The following BEND4 variants were observed in gnomAD, a reference collection of about 807,000 sequenced individuals.
BEND4 encodes BEN domain-containing protein 4.
In BEND4, 27 loss-of-function variants were observed where a neutral mutation model predicts 54.7. The ratio of observed to expected loss-of-function variants is 0.49; its 90% confidence interval spans 0.36 to 0.68. BEND4 has a LOEUF of 0.68. Among genes scored for constraint, BEND4 ranks in the 30% least tolerant of loss-of-function variants. BEND4 has a pLI of 0.00. For synonymous variants in BEND4, 327 were observed against 299.5 expected (o/e 1.09, Z -0.95); for missense variants, 702 against 697.2 (o/e 1.01, Z -0.08).
At chr4:42,145,526 T>C (rs1721045607) in intron 2 of BEND4, among the ~76,000 whole-genome samples, 1 of 151,916 alleles carries the variant, frequency 6.6e-6, no homozygotes. Flanking sequence ...ACCCCGTCTC[T>C]ACTACAAATA....
At chr4:42,140,794 A>G (rs1720853924) in intron 3 of BEND4, among the ~76,000 whole-genome samples, 1 of 152,124 alleles carries the variant, frequency 6.6e-6, no homozygotes, top group African/African-American at 2.4e-5. Flanking sequence ...TGCACTCTGA[A>G]ACTCTTTCCC....
rs1320538387 is a variant in BEND4, at chr4:42,115,755, C to T, written c.*1763G>A. ...CCAAAGAGACTGGTCTCATGGCTGC[C>T]GTAAGAACATGGCATTTGCCCATAT... On this transcript the variant is annotated 3_prime_UTR_variant, in exon 6 of 6. Coordinates refer to ENST00000502486, the MANE Select transcript of BEND4 (RefSeq NM_207406.4). The T allele has an allele frequency of 7.9e-5, 12 of 152,144 alleles. No homozygotes were observed. Among genetic ancestry groups the T allele is most frequent in the Admixed American group, 7.9e-4 (12 of 15,266 alleles). 9.4% of individuals were successfully genotyped at this position (152,144 alleles called of 1,614,324 possible).
intron 3 of BEND4, among the ~76,000 whole-genome samples, chr4:42,142,865 C>A (rs1212935756): frequency 2.6e-5 from 4 of 151,966 alleles, no homozygotes; most frequent in African/African-American, 9.7e-5. Flanking sequence ...ATGCTAAAGA[C>A]GTTATGCTTG....
chr4:42,110,963 G>C lies in BEND4; in HGVS notation c.*6555C>G, dbSNP rs1719537215. The C allele has an allele frequency of 1.3e-5, 2 of 152,160 alleles. No individual in the cohort carries two copies. Among genetic ancestry groups the C allele is most frequent in the African/African-American group, 4.8e-5 (2 of 41,442 alleles). The allele number at this position is 152,160 out of a possible 1,614,324, so 9.4% of individuals were successfully genotyped here. A position where few individuals can be genotyped will look rare whatever the true frequency, so the allele number is the denominator to read the frequency against. ...TTAACAGAGACTTGACATTTATTGTGCAATTTTATCCCCAACAGAACACGT... is the reference window on the plus strand; with the variant it reads ...TTAACAGAGACTTGACATTTATTGTCCAATTTTATCCCCAACAGAACACGT... On this transcript the variant is annotated 3_prime_UTR_variant, in exon 6 of 6. Coordinates refer to ENST00000502486, the MANE Select transcript of BEND4 (RefSeq NM_207406.4).
chr4:42,143,231 G>GT (rs1382352708), intron 3 of BEND4, among the ~76,000 whole-genome samples, 197 bp downstream of exon 3: 2 of 152,160 alleles, frequency 1.3e-5, no homozygotes, highest in Admixed American at 6.5e-5. Flanking sequence ...TAAAATTTCT[G>GT]TTTGGCACTG....
intron 2 of BEND4, among the ~76,000 whole-genome samples, chr4:42,144,676 G>A (rs752753038): frequency 3.9e-5 from 6 of 152,188 alleles, no homozygotes; most frequent in Non-Finnish European, 7.3e-5. Flanking sequence ...TGTATCATTT[G>A]AAAATCAGTA....
At chr4:42,134,986 A>G (rs1720646364) in intron 3 of BEND4, among the ~76,000 whole-genome samples, 1 of 152,228 alleles carries the variant, frequency 6.6e-6, no homozygotes, top group Non-Finnish European at 1.5e-5. Flanking sequence ...TGTCACACTG[A>G]GGATGCTAGA....
At chr4:42,149,634 A>C (rs1721192019) in intron 2 of BEND4, among the ~76,000 whole-genome samples, 1 of 152,200 alleles carries the variant, frequency 6.6e-6, no homozygotes. Flanking sequence ...GTGATGTTAT[A>C]ATTTCCATCT....
In BEND4 at chr4:42,114,652, C is replaced by A. The variant is rs1242173194; in HGVS notation, c.*2866G>T. The A allele has an allele frequency of 2.0e-5, 3 of 152,216 alleles. No homozygotes were observed. In the South Asian group the frequency reaches 6.2e-4, roughly 32 times the overall value. 9.4% of individuals were successfully genotyped at this position (152,216 alleles called of 1,614,324 possible). A position where few individuals can be genotyped will look rare whatever the true frequency, so the allele number is the denominator to read the frequency against. On this transcript the variant is annotated 3_prime_UTR_variant, in exon 6 of 6. Coordinates refer to ENST00000502486, the MANE Select transcript of BEND4 (RefSeq NM_207406.4). ...ACCTTCAAGTCTCCAAGGATTTCAA[C>A]TGAAAGGCTCACAGAGCAATGACAG...
intron 3 of BEND4, among the ~76,000 whole-genome samples, chr4:42,138,167 A>T (rs1274671420): frequency 1.3e-5 from 2 of 152,228 alleles, no homozygotes; most frequent in Admixed American, 1.3e-4. Flanking sequence ...CCAATAGCCA[A>T]GACATGGAAA....
chr4:42,120,040 G>A lies in BEND4; in HGVS notation c.1387+14C>T. 6.2e-7 allele frequency: 1 copy of A among 1,613,948 alleles called. No individual in the cohort carries two copies. Among genetic ancestry groups the A allele is most frequent in the East Asian group, 2.2e-5 (1 of 44,888 alleles). On this transcript the variant is annotated intron_variant, in intron 5 of 5. Transcript: ENST00000502486. ...AGATCACAGATGGTGACACTGAGCGGAAGGATGCAGTACCTCGGAGGCATG... is the reference window on the plus strand; with the variant it reads ...AGATCACAGATGGTGACACTGAGCGAAAGGATGCAGTACCTCGGAGGCATG...
intron 3 of BEND4, among the ~76,000 whole-genome samples, chr4:42,131,057 G>A (rs1262785526): frequency 1.3e-5 from 2 of 152,072 alleles, no homozygotes; most frequent in East Asian, 1.9e-4. Context: ...TACACACTGG[G>A]GCCTATTGGG....
intron 3 of BEND4, among the ~76,000 whole-genome samples, chr4:42,141,527 T>A (rs938136770): frequency 1.3e-5 from 2 of 151,560 alleles, no homozygotes; most frequent in Non-Finnish European, 2.9e-5. Context: ...AAGTCAGGAG[T>A]TCGAGACCAG....
intron 3 of BEND4, among the ~76,000 whole-genome samples, chr4:42,134,707 T>C (rs1332076735): frequency 1.3e-5 from 2 of 152,218 alleles, no homozygotes; most frequent in Non-Finnish European, 2.9e-5. Flanking sequence ...AAGTGCTTGC[T>C]TGCGAACTGT....
At chr4:42,142,650 A>C (rs1468472322) in intron 3 of BEND4, among the ~76,000 whole-genome samples, 2 of 151,430 alleles carry the variant, frequency 1.3e-5, no homozygotes, top group African/African-American at 4.9e-5. Context: ...AAAAAAAAAA[A>C]AAAGTAAAAT....
chr4:42,138,659 A>G (rs985643107), intron 3 of BEND4, among the ~76,000 whole-genome samples: 1 of 152,220 alleles, frequency 6.6e-6, no homozygotes, highest in African/African-American at 2.4e-5. Flanking sequence ...CCTTTTAACT[A>G]TATATCCTCT....
chr4:42,147,428 G>C (rs1481585665), intron 2 of BEND4, among the ~76,000 whole-genome samples: 1 of 150,528 alleles, frequency 6.6e-6, no homozygotes, highest in Non-Finnish European at 1.5e-5. Flanking sequence ...AATGGCTACT[G>C]ATCTATGATT....
intron 5 of BEND4, chr4:42,119,852 TA>T: frequency 1.7e-6 from 1 of 603,010 alleles, no homozygotes; most frequent in Non-Finnish European, 2.9e-6. Context: ...TATGTACCAC[TA>T]AGAGAGAACA....
rs1339874617 is a variant in BEND4 at position 42,115,381 on chromosome 4, G to A, written c.*2137C>T. The A allele has an allele frequency of 6.6e-6, 1 of 152,190 alleles. No individual in the cohort carries two copies. The highest frequency in any genetic ancestry group is 1.5e-5 in the Non-Finnish European group (1 of 68,052). 9.4% of individuals were successfully genotyped at this position (152,190 alleles called of 1,614,324 possible). A position where few individuals can be genotyped will look rare whatever the true frequency, so the allele number is the denominator to read the frequency against. On this transcript the variant is annotated 3_prime_UTR_variant, in exon 6 of 6. Transcript: ENST00000502486. ...GCCATGGAGCAGGGGTGCAGAAAGT[G>A]CTCTCATCAGCCTCAGCGAAGACCA...
Sources: gnomAD v4.1 joint callset for allele counts (sites outside exome capture counted in the v4.1 genomes callset) on GRCh38, gnomAD v4.1.1 for gene constraint, MANE v1.5 for transcripts, NCBI Gene and HGNC (gene_info 2026-07-23, HGNC 2026-07-21) for gene names.